PPP2R2C: variants seen among roughly 807,000 people sequenced by gnomAD.
PPP2R2C encodes protein phosphatase 2, regulatory subunit B, gamma.
A neutral mutation model predicts 45.3 loss-of-function variants in PPP2R2C; 10 were observed. That is an observed-to-expected ratio of 0.22 (90% CI 0.14 to 0.37). The LOEUF (loss-of-function observed/expected upper bound fraction) is 0.37. Ranked by LOEUF, PPP2R2C falls within the 10% of genes least tolerant of loss-of-function variation. PPP2R2C has a pLI of 1.00. For missense variants in PPP2R2C, 308 were observed against 619.7 expected (o/e 0.50, Z 5.34); for synonymous variants, 257 against 245.4 (o/e 1.05, Z -0.44).
chr4:6,468,357 A>G (rs547109842), intron 1 of PPP2R2C, among the ~76,000 whole-genome samples: 1 of 152,312 alleles, frequency 6.6e-6, no homozygotes, highest in African/African-American at 2.4e-5. Context: ...CAACTATAAA[A>G]TCAGGACAAC....
chr4:6,381,571 C>T, intron 1 of PPP2R2C: 1 of 1,424,442 alleles, frequency 7.0e-7, no homozygotes. Context: ...GGGCTTCCCA[C>T]ACAGTAGGAC....
chr4:6,374,370 G>C (rs1434506696), intron 4 of PPP2R2C, among the ~76,000 whole-genome samples: 1 of 152,208 alleles, frequency 6.6e-6, no homozygotes, highest in Non-Finnish European at 1.5e-5. Context: ...GAAGAAGAGA[G>C]AAAGGAAACC....
chr4:6,468,117 A>C (rs202060084), intron 1 of PPP2R2C, among the ~76,000 whole-genome samples: 1 of 152,314 alleles, frequency 6.6e-6, no homozygotes, highest in East Asian at 1.9e-4. Context: ...TGTGGAGATC[A>C]GCTGCAACGT....
intron 1 of PPP2R2C, among the ~76,000 whole-genome samples, chr4:6,453,404 G>A (rs1002843362): frequency 4.6e-5 from 7 of 152,116 alleles, no homozygotes; most frequent in African/African-American, 1.7e-4. Flanking sequence ...CCCAGCCCCA[G>A]CCACCCCAGC....
intron 1 of PPP2R2C, among the ~76,000 whole-genome samples, chr4:6,426,017 C>T (rs1283151193): frequency 1.3e-5 from 2 of 152,182 alleles, no homozygotes; most frequent in East Asian, 1.9e-4. Context: ...TGGGTACAGG[C>T]CTGCTTCCCT....
At chr4:6,433,621 G>A (rs562800105) in intron 1 of PPP2R2C, among the ~76,000 whole-genome samples, 5 of 152,204 alleles carry the variant, frequency 3.3e-5, no homozygotes, top group African/African-American at 9.6e-5. Flanking sequence ...ATAGGCATAC[G>A]GGTTCCAAAT....
chr4:6,343,780 C>G (rs945341532), intron 6 of PPP2R2C, among the ~76,000 whole-genome samples: 8 of 152,130 alleles, frequency 5.3e-5, no homozygotes, highest in Admixed American at 4.6e-4. Flanking sequence ...CCTAAGATTT[C>G]AAGGAGCAGA....
Position 6,396,074 on chromosome 4 carries a change from G to A in PPP2R2C, c.71-14980C>T, listed in dbSNP as rs1301388750. On this transcript the variant is annotated intron_variant, in intron 1 of 8. Transcript: ENST00000382599. ...CAGGAGCATTACACACAGTGTGTGCGAACCCTCGCGGCAGCCCTGGCAGGT... is the reference window on the plus strand; with the variant it reads ...CAGGAGCATTACACACAGTGTGTGCAAACCCTCGCGGCAGCCCTGGCAGGT... 3.9e-5 allele frequency among the ~76,000 whole-genome samples: 6 copies of A among 152,304 alleles called. No homozygotes were observed. The South Asian group carries it at 8.3e-4, about 21-fold the overall frequency.
chr4:6,516,331 T>TGA (rs1404259847), intron 2 of PPP2R2C, among the ~76,000 whole-genome samples: 1 of 152,226 alleles, frequency 6.6e-6, no homozygotes, highest in East Asian at 1.9e-4. Flanking sequence ...AAGAGGATGA[T>TGA]GACAAGGACT....
chr4:6,381,411 A>G (rs1486842413), intron 1 of PPP2R2C: 1 of 1,423,162 alleles, frequency 7.0e-7, no homozygotes, highest in Admixed American at 2.2e-5. Context: ...ATCTGAAGCC[A>G]CCTGGATGTG....
chr4:6,434,026 A>G (rs1342752850), intron 1 of PPP2R2C, among the ~76,000 whole-genome samples: 1 of 152,238 alleles, frequency 6.6e-6, no homozygotes, highest in African/African-American at 2.4e-5. Flanking sequence ...GGCAACCACT[A>G]TGAGCACTTT....
At position 6,383,811 on chromosome 4, in the gene PPP2R2C, T is replaced by C. The variant is rs928019842; in HGVS notation, c.71-2717A>G. 15 of 996,184 alleles carry C rather than the reference T, an allele frequency of 1.5e-5. No individual in the cohort carries two copies. The African/African-American group carries it at 2.4e-4, about 16-fold the overall frequency. The allele number at this position is 996,184 out of a possible 1,614,324, so 61.7% of individuals were successfully genotyped here. ...GGCTTCAAATGGTGCCTGTATGCAG[T>C]AGCCAGGCCAGAGATATCTATCCAA... On this transcript the variant is annotated intron_variant, in intron 1 of 8. Coordinates refer to ENST00000382599, the MANE Select transcript of PPP2R2C (RefSeq NM_020416.4).
At chr4:6,415,758 T>C (rs13109641) in intron 1 of PPP2R2C, among the ~76,000 whole-genome samples, 44,399 of 152,150 alleles carry the variant, frequency 0.29, 6,888 homozygotes, top group East Asian at 0.61. Flanking sequence ...TCATCCAGTC[T>C]AACCCTCTCT....
chr4:6,372,327 C>T (rs557737168), intron 5 of PPP2R2C, among the ~76,000 whole-genome samples, 196 bp downstream of exon 5: 10 of 152,328 alleles, frequency 6.6e-5, no homozygotes, highest in Admixed American at 2.0e-4. Flanking sequence ...CACGACTTTG[C>T]GGTTTTCAGA....
At chr4:6,531,443 C>T (rs1000535956) in intron 2 of PPP2R2C, among the ~76,000 whole-genome samples, 4 of 152,192 alleles carry the variant, frequency 2.6e-5, no homozygotes, top group East Asian at 3.9e-4. Context: ...CAGGAGAGGG[C>T]AGCTACAACC....
At chr4:6,342,257 C>T (rs1231959146) in intron 6 of PPP2R2C, among the ~76,000 whole-genome samples, 2 of 152,114 alleles carry the variant, frequency 1.3e-5, no homozygotes, top group African/African-American at 4.8e-5. Context: ...TAATGCTCCC[C>T]ACCAACAGCC....
At chr4:6,391,424 G>A (rs1039290515) in intron 1 of PPP2R2C, among the ~76,000 whole-genome samples, 2 of 152,222 alleles carry the variant, frequency 1.3e-5, no homozygotes, top group African/African-American at 2.4e-5. Flanking sequence ...CTGCACACGC[G>A]CTGGGCCTCG....
intron 1 of PPP2R2C, among the ~76,000 whole-genome samples, chr4:6,451,545 C>T (rs919278086): frequency 9.9e-5 from 15 of 152,190 alleles, no homozygotes; most frequent in African/African-American, 3.1e-4. Context: ...CAGCTTCTCT[C>T]GGGGAGGGGA....
At chr4:6,531,561 CTTTTTTT>C (rs11327901) in intron 2 of PPP2R2C, among the ~76,000 whole-genome samples, 18 of 143,838 alleles carry the variant, frequency 1.3e-4, no homozygotes, top group African/African-American at 4.6e-4. Flanking sequence ...TCCCGTTTTC[CTTTTTTT>C]TTTTTTTTGG....
Sources: gnomAD v4.1 joint callset for allele counts (sites outside exome capture counted in the v4.1 genomes callset) on GRCh38, gnomAD v4.1.1 for gene constraint, MANE v1.5 for transcripts, NCBI Gene and HGNC (gene_info 2026-07-23, HGNC 2026-07-21) for gene names.